Variants in DCTN1 observed in about 807,000 individuals in gnomAD.
The protein encoded by DCTN1 is dynactin subunit 1.
A neutral mutation model predicts 161.2 loss-of-function variants in DCTN1; 61 were observed. The ratio of observed to expected loss-of-function variants is 0.38; its 90% CI spans 0.31 to 0.47. The LOEUF is 0.47. DCTN1 is among the 20% of genes least tolerant of loss of function. The pLI is 0.99. For synonymous variants in DCTN1, 653 were observed against 632.4 expected (o/e 1.03, Z -0.49); for missense variants, 1,404 against 1,623.7 (o/e 0.86, Z 2.33).
intron 18 of DCTN1, 98 bp from the exon 19 acceptor site, chr2:74,367,518 G>A (rs1176024914): frequency 2.7e-6 from 4 of 1,501,660 alleles, no homozygotes; most frequent in Non-Finnish European, 3.7e-6. Context: ...TGGGTCTCTG[G>A]AGGTACAAGA....
At chr2:74,390,917 T>A (rs1038289304) in intron 1 of DCTN1, among the ~76,000 whole-genome samples, 1 of 152,190 alleles carries the variant, frequency 6.6e-6, no homozygotes. Flanking sequence ...AATAACAGTA[T>A]ATCCTAGTAA....
Position 74,370,011 on chromosome 2 carries a change from T to C in DCTN1, c.1346A>G (p.Asn449Ser). The change falls in exon 13 of 32, where the codon AAT becomes AGT. Residue 449 changes from asparagine (N) to serine (S), a missense_variant. Asn to Ser is a conservative substitution (Grantham distance 46). Transcript: ENST00000628224. This position sits in a 1 kb window ranked among gnomAD's most constrained non-coding sequence, Gnocchi z 4.4. ...CAACTCGCGCACTTTCTCTTCCAGATTCAGGTTCCGATCTGTCAGCATCTC... is the reference window on the plus strand; with the variant it reads ...CAACTCGCGCACTTTCTCTTCCAGACTCAGGTTCCGATCTGTCAGCATCTC... ...MVEMLTDRNL[N>S]LEEKVRELRE... The C allele has an allele frequency of 1.9e-6, 3 of 1,614,152 alleles. No homozygotes were observed. The East Asian group carries it at 6.7e-5, about 36-fold the overall frequency.
Position 74,370,405 on chromosome 2 carries a change from G to A in DCTN1, c.1128-60C>T. On this transcript the variant is annotated intron_variant, in intron 11 of 31. Transcript: ENST00000628224. This position sits in a 1 kb window ranked among gnomAD's most constrained non-coding sequence, Gnocchi z 4.4. Reference sequence around the variant, plus strand: ...CACGTGTCAGAGTCTCTGGCGATGGGTGCTCTAACACATTTGGAGACACAA... The same window carrying A: ...CACGTGTCAGAGTCTCTGGCGATGGATGCTCTAACACATTTGGAGACACAA... 3 of 1,613,964 alleles carry A rather than the reference G, an allele frequency of 1.9e-6. No homozygotes were observed. The highest frequency in any genetic ancestry group is 1.7e-4 in the Middle Eastern group (1 of 6,060).
At chr2:74,376,595 A>G (rs1342983860) in intron 5 of DCTN1, 147 bp downstream of exon 5, 1 of 756,218 alleles carries the variant, frequency 1.3e-6, no homozygotes, top group African/African-American at 1.7e-5. Context: ...CTTCAAAGGA[A>G]CTCTGAAAGC....
chr2:74,391,612 T>G (rs1676002460), intron 1 of DCTN1: 1 of 356,036 alleles, frequency 2.8e-6, no homozygotes. Context: ...GCTGAAGAGC[T>G]GAGGTGGGTC....
Position 74,365,151 on chromosome 2 carries a change from C to T in DCTN1, c.3120G>A (p.Gln1040=). ...KAELKQRLNS[Q]SKRTIEGLRG... is the part of the protein sequence containing the mutation. ...GGAGTCCCTCAATCGTGCGTTTGGA[C>T]TGGCTGTTCAGACGCTGCTTTAGTT... Residue 1040 remains glutamine, a synonymous_variant, in exon 26 of 32, where the codon CAG becomes CAA. Transcript: ENST00000628224. 6.2e-7 allele frequency: 1 copy of T among 1,614,182 alleles called. No homozygotes were observed. Among genetic ancestry groups the T allele is most frequent in the Non-Finnish European group, 8.5e-7 (1 of 1,180,032 alleles).
At position 74,380,147 on chromosome 2, in the gene DCTN1, A is replaced by C; in HGVS notation, c.-110T>G. 1.6e-6 allele frequency: 2 copies of C among 1,218,242 alleles called. No homozygotes were observed. Among genetic ancestry groups the C allele is most frequent in the East Asian group, 4.8e-5 (2 of 41,922 alleles). 75.5% of individuals were successfully genotyped at this position (1,218,242 alleles called of 1,614,324 possible). On this transcript the variant is annotated 5_prime_UTR_variant, in exon 1 of 32. Transcript: ENST00000628224. ...CTGGGCCCTCATAGAGGGACACAGG[A>C]GTCGTCAGGCACAGCCCTCCCCAGT...
At chr2:74,373,011 CAG>C in intron 6 of DCTN1, 63 bp from the exon 7 acceptor site, 1 of 1,516,710 alleles carries the variant, frequency 6.6e-7, no homozygotes, top group South Asian at 1.1e-5. Context: ...GGCAGAAAGA[CAG>C]AGAGCAAAAG....
intron 7 of DCTN1, 151 bp downstream of exon 7, chr2:74,372,777 G>C: frequency 1.2e-6 from 1 of 820,694 alleles, no homozygotes; most frequent in East Asian, 2.6e-5. Context: ...GTGCCTGCCA[G>C]CACTGCGAAC....
At chr2:74,374,675 G>C in intron 5 of DCTN1, 1 of 1,204,350 alleles carries the variant, frequency 8.3e-7, no homozygotes, top group Admixed American at 3.6e-5. Flanking sequence ...AGTGGCCGCA[G>C]CACCAGCTCC....
At chr2:74,364,611 A>G in intron 26 of DCTN1, 1 of 254,702 alleles carries the variant, frequency 3.9e-6, no homozygotes, top group Non-Finnish European at 7.7e-6. Context: ...GGGATAATTC[A>G]GCAGTGGAAG....
intron 6 of DCTN1, chr2:74,373,256 G>A (rs1675001172): frequency 2.2e-6 from 1 of 456,446 alleles, no homozygotes; most frequent in Non-Finnish European, 4.1e-6. Context: ...ATAGAACAAG[G>A]AAGCAGCTAG....
intron 1 of DCTN1, among the ~76,000 whole-genome samples, chr2:74,389,395 CTAG>C (rs1391969488): frequency 6.6e-6 from 1 of 152,150 alleles, no homozygotes; most frequent in Non-Finnish European, 1.5e-5. Flanking sequence ...CCAGTATCAC[CTAG>C]TAGCTGTAGA....
At chr2:74,364,499 A>T (rs1384181081) in intron 26 of DCTN1, 1 of 172,598 alleles carries the variant, frequency 5.8e-6, no homozygotes, top group East Asian at 1.5e-4. Context: ...GAGTCAGGTA[A>T]CTGGGGAGGC....
chr2:74,369,856 G>A lies in DCTN1; in HGVS notation c.1392+109C>T. 1.0e-6 allele frequency: 1 copy of A among 960,014 alleles called. No individual in the cohort carries two copies. Among genetic ancestry groups the A allele is most frequent in the Non-Finnish European group, 1.7e-6 (1 of 600,736 alleles). The allele number at this position is 960,014 out of a possible 1,614,324, so 59.5% of individuals were successfully genotyped here. On this transcript the variant is annotated intron_variant, in intron 13 of 31. Coordinates refer to ENST00000628224, the MANE Select transcript of DCTN1 (RefSeq NM_004082.5). The surrounding 1 kb of genome is among the most constrained non-coding windows in gnomAD (Gnocchi z 4.9). ...AAAAAAGGCAGGGTCAGGGTAGCAA[G>A]CCCAGGCTGGGTCCCTCACCGCACA...
chr2:74,372,886 T>C (rs748470355), intron 7 of DCTN1, 42 bp downstream of exon 7: 2 of 1,608,470 alleles, frequency 1.2e-6, no homozygotes, highest in Non-Finnish European at 8.5e-7. Flanking sequence ...GAAACGTGTG[T>C]GTACACTCAG....
At chr2:74,373,559 G>A (rs1573170470) in intron 6 of DCTN1, among the ~76,000 whole-genome samples, 1 of 152,142 alleles carries the variant, frequency 6.6e-6, no homozygotes, top group Non-Finnish European at 1.5e-5. Flanking sequence ...AGAGGGCTCA[G>A]GTGTCAGGAC....
Position 74,369,932 on chromosome 2 carries a change from A to G in DCTN1, c.1392+33T>C, listed in dbSNP as rs1558941156. ...TGTCAATCTTTTTCTCAGCAGGTCCAAGTCAGATGTCAGGGGTCTGCTCTT... is the reference window on the plus strand; with the variant it reads ...TGTCAATCTTTTTCTCAGCAGGTCCGAGTCAGATGTCAGGGGTCTGCTCTT... On this transcript the variant is annotated intron_variant, in intron 13 of 31. Coordinates refer to ENST00000628224, the MANE Select transcript of DCTN1 (RefSeq NM_004082.5). This position sits in a 1 kb window ranked among gnomAD's most constrained non-coding sequence, Gnocchi z 4.9. 3 of 1,604,108 alleles carry G rather than the reference A, an allele frequency of 1.9e-6. No individual in the cohort carries two copies. Among genetic ancestry groups the G allele is most frequent in the Non-Finnish European group, 2.6e-6 (3 of 1,171,368 alleles).
rs1223609676 is a variant in DCTN1, at chr2:74,370,142, G to A, written c.1287+44C>T. 1 of 1,613,912 alleles carries A rather than the reference G, an allele frequency of 6.2e-7. No individual in the cohort carries two copies. The highest frequency in any genetic ancestry group is 8.5e-7 in the Non-Finnish European group (1 of 1,180,028). On this transcript the variant is annotated intron_variant, in intron 12 of 31. Transcript: ENST00000628224. This position sits in a 1 kb window ranked among gnomAD's most constrained non-coding sequence, Gnocchi z 4.4. ...AAAGAGGAGGCATCAACTGATAGGA[G>A]AGTCAGGTGGGGGATTCTGGGTGAG...
Sources: gnomAD v4.1 joint callset for allele counts (sites outside exome capture counted in the v4.1 genomes callset) on GRCh38, gnomAD v4.1.1 for gene constraint, Gnocchi (gnomAD v3.1) non-coding constraint, MANE v1.5 for transcripts, NCBI Gene and HGNC (gene_info 2026-07-23, HGNC 2026-07-21) for gene names.